ANXA10: variants seen among roughly 807,000 people sequenced by gnomAD.
The protein encoded by ANXA10 is annexin A10.
ANXA10 carries 49 observed loss-of-function variants against 53.5 expected under a neutral mutation model. The observed-to-expected ratio is 0.92, with a 90% CI of 0.73 to 1.16. ANXA10 has a LOEUF of 1.16. Among genes scored for constraint, ANXA10 ranks in the 50% most tolerant of loss-of-function variants. ANXA10 has a pLI of 0.00. For synonymous variants in ANXA10, 131 were observed against 128.9 expected, an observed-to-expected ratio of 1.02 and a Z score of -0.11; for missense variants, 393 against 394.4, an observed-to-expected ratio of 1.00 and a Z score of 0.03.
At chr4:168,115,071 G>GT (rs1730870478) in intron 1 of ANXA10, among the ~76,000 whole-genome samples, 1 of 152,032 alleles carries the variant, frequency 6.6e-6, no homozygotes, top group Admixed American at 6.6e-5. Flanking sequence ...TGGAGATACG[G>GT]TTTTGCCATG....
intron 1 of ANXA10, 144 bp downstream of exon 1, chr4:168,092,862 C>A: frequency 1.6e-6 from 1 of 618,786 alleles, no homozygotes; most frequent in Non-Finnish European, 2.5e-6. Flanking sequence ...TATTTTATGC[C>A]CATTTTTTGA....
chr4:168,182,494 C>T (rs1289111863), intron 10 of ANXA10, among the ~76,000 whole-genome samples: 2 of 149,482 alleles, frequency 1.3e-5, no homozygotes, highest in Non-Finnish European at 3.0e-5. Flanking sequence ...CCACACCCGG[C>T]TAATTTTGTT....
intron 1 of ANXA10, among the ~76,000 whole-genome samples, chr4:168,094,544 A>C (rs1218675234): frequency 1.3e-5 from 2 of 152,102 alleles, no homozygotes; most frequent in Non-Finnish European, 2.9e-5. Context: ...TTCTGTTGAC[A>C]AGTAATTTCT....
At chr4:168,116,933 T>C (rs184603662) in intron 1 of ANXA10, among the ~76,000 whole-genome samples, 1 of 152,222 alleles carries the variant, frequency 6.6e-6, no homozygotes, top group Non-Finnish European at 1.5e-5. Flanking sequence ...AGCAATTATT[T>C]CTCCATTTAA....
At chr4:168,127,817 CTTTTTTTTT>C (rs766782048) in intron 1 of ANXA10, 40 of 148,898 alleles carry the variant, frequency 2.7e-4, no homozygotes, top group South Asian at 7.0e-4. Flanking sequence ...ATGTTGAAAC[CTTTTTTTTT>C]TTTTTTTTTT....
At chr4:168,159,194 C>T (rs1731740015) in intron 3 of ANXA10, among the ~76,000 whole-genome samples, 1 of 152,136 alleles carries the variant, frequency 6.6e-6, no homozygotes, top group African/African-American at 2.4e-5. Context: ...TGGAAATTTA[C>T]ATTGATTAAT....
intron 4 of ANXA10, 140 bp downstream of exon 4, chr4:168,162,781 G>A: frequency 1.4e-6 from 1 of 720,310 alleles, no homozygotes; most frequent in Non-Finnish European, 2.4e-6. Flanking sequence ...TGTAACAATG[G>A]AAATGTTGTG....
intron 3 of ANXA10, among the ~76,000 whole-genome samples, chr4:168,147,025 C>A (rs552851792): frequency 6.6e-6 from 1 of 152,184 alleles, no homozygotes. Context: ...CAGGCCATGG[C>A]ATTTAGGGCA....
At chr4:168,100,599 C>T (rs1283561338) in intron 1 of ANXA10, among the ~76,000 whole-genome samples, 1 of 152,054 alleles carries the variant, frequency 6.6e-6, no homozygotes, top group Admixed American at 6.6e-5. Context: ...CATTATTATT[C>T]TCATGTTTGA....
intron 1 of ANXA10, among the ~76,000 whole-genome samples, chr4:168,102,361 C>T (rs925889512): frequency 6.6e-6 from 1 of 151,930 alleles, no homozygotes; most frequent in South Asian, 2.1e-4. Flanking sequence ...AGAAGACTTC[C>T]ATTATCCAAA....
chr4:168,120,500 A>G (rs566197182), intron 1 of ANXA10, among the ~76,000 whole-genome samples: 17 of 152,208 alleles, frequency 1.1e-4, no homozygotes, highest in Non-Finnish European at 1.9e-4. Context: ...AACTTTATTA[A>G]TATATTTCTA....
chr4:168,183,460 A>C (rs1343164299), intron 10 of ANXA10, among the ~76,000 whole-genome samples: 1 of 152,228 alleles, frequency 6.6e-6, no homozygotes, highest in Non-Finnish European at 1.5e-5. Context: ...CAACAACAGT[A>C]TGAAGCTTCA....
intron 1 of ANXA10, among the ~76,000 whole-genome samples, chr4:168,097,900 C>T (rs1198645556): frequency 6.6e-6 from 1 of 152,026 alleles, no homozygotes; most frequent in Non-Finnish European, 1.5e-5. Flanking sequence ...TTTATAATAG[C>T]TAGAAAAATA....
chr4:168,164,865 G>T (rs975507945), intron 5 of ANXA10, among the ~76,000 whole-genome samples: 3 of 152,090 alleles, frequency 2.0e-5, no homozygotes, highest in Non-Finnish European at 2.9e-5. Flanking sequence ...ACAAAAACAA[G>T]ACTTTTCTGA....
In ANXA10 at chr4:168,184,586, A is replaced by T. The variant is rs757940947; in HGVS notation, c.811A>T (p.Ile271Phe). ...HDFGFHNKTV[I>F]RILIARSEID... ...CTTTGGTTTCCATAATAAAACTGTAATCAGGATTCTCATTGCCAGAAGTGA... is the reference window on the plus strand; with the variant it reads ...CTTTGGTTTCCATAATAAAACTGTATTCAGGATTCTCATTGCCAGAAGTGA... Residue 271 changes from isoleucine to phenylalanine, a missense_variant, in exon 11 of 12, where the codon ATC becomes TTC. Physicochemically the swap from Ile to Phe is conservative, Grantham distance 21. Coordinates refer to ENST00000359299, the MANE Select transcript of ANXA10 (RefSeq NM_007193.5). 1.4e-4 allele frequency: 232 copies of T among 1,614,060 alleles called. 7 individuals are homozygous for T. In the Middle Eastern group the frequency reaches 1.6e-3, roughly 11 times the overall value.
intron 3 of ANXA10, among the ~76,000 whole-genome samples, chr4:168,149,401 A>G (rs1009661046): frequency 1.3e-5 from 2 of 152,152 alleles, no homozygotes; most frequent in African/African-American, 4.8e-5. Flanking sequence ...GTTTTTTACT[A>G]GCTACTCTTT....
intron 3 of ANXA10, among the ~76,000 whole-genome samples, chr4:168,157,525 A>G (rs1232313139): frequency 6.6e-6 from 1 of 152,054 alleles, no homozygotes; most frequent in African/African-American, 2.4e-5. Context: ...CAGCCTCCCA[A>G]AGTCTTGGGA....
At chr4:168,165,404 A>T (rs960773985) in intron 6 of ANXA10, 78 bp downstream of exon 6, 1 of 714,106 alleles carries the variant, frequency 1.4e-6, no homozygotes, top group Non-Finnish European at 2.2e-6. Context: ...AAAAAAAAAA[A>T]AATAGAACAG....
rs77206333 is a variant in ANXA10, at chr4:168,177,749, G to A, written c.490G>A (p.Glu164Lys). The change falls in exon 7 of 12, where the codon GAG becomes AAG. Residue 164 changes from glutamate to lysine, a missense_variant. Transcript: ENST00000359299. The part of the protein sequence containing the change: ...TLMNLVQGTR[E>K]EGYTDPAMAA... Reference sequence around the variant, plus strand: ...TGTGCTTACTTTACAGGGGACCAGAGAGGAAGGATATACAGACCCTGCGAT... The same window carrying A: ...TGTGCTTACTTTACAGGGGACCAGAAAGGAAGGATATACAGACCCTGCGAT... 303 of 1,614,160 alleles carry A rather than the reference G, an allele frequency of 1.9e-4. 1 individual carries two copies. In the East Asian group the frequency reaches 6.4e-3, roughly 34 times the overall value.
Sources: allele counts gnomAD v4.1 joint callset (sites outside exome capture counted in the v4.1 genomes callset), GRCh38; gene constraint gnomAD v4.1.1; transcripts MANE v1.5; gene names NCBI Gene and HGNC (gene_info 2026-07-23, HGNC 2026-07-21).